Variants in CIRSR observed in about 807,000 individuals in gnomAD.
The protein encoded by CIRSR is corepressor of RBPJ and splicing regulator, also known as CBF1 (RBPJ) interacting corepressor 1.
At chr2:174,380,616 T>C in the CIRSR span, 7 of 1,571,776 alleles carry the variant, frequency 4.5e-6, no homozygotes, top group African/African-American at 8.1e-5. Flanking sequence ...AACTTAATGA[T>C]ACATATCTTG....
the CIRSR span, among the ~76,000 whole-genome samples, chr2:174,372,369 C>T: frequency 6.0e-4 from 91 of 152,252 alleles, no homozygotes; most frequent in African/African-American, 2.1e-3. Context: ...TCCTTCCAAT[C>T]CTTTTTCTAA....
At chr2:174,360,751 G>T in the CIRSR span, among the ~76,000 whole-genome samples, 6 of 152,058 alleles carry the variant, frequency 3.9e-5, no homozygotes. Flanking sequence ...TTAAAAATTT[G>T]TTCAAGTCAA....
At chr2:174,365,032 C>G in the CIRSR span, among the ~76,000 whole-genome samples, 1 of 152,124 alleles carries the variant, frequency 6.6e-6, no homozygotes, top group Non-Finnish European at 1.5e-5. Context: ...GCAAATTTTC[C>G]AAACTTTCAT....
the CIRSR span, among the ~76,000 whole-genome samples, chr2:174,370,562 T>G: frequency 1.3e-5 from 2 of 152,358 alleles, no homozygotes; most frequent in African/African-American, 4.8e-5. Flanking sequence ...GGTTAGAAAC[T>G]TTAATTATTA....
At chr2:174,391,851 A>C in the CIRSR span, among the ~76,000 whole-genome samples, 1 of 152,242 alleles carries the variant, frequency 6.6e-6, no homozygotes, top group East Asian at 1.9e-4. Context: ...TGGTGAGAGT[A>C]GCCAGTCAAA....
the CIRSR span, among the ~76,000 whole-genome samples, chr2:174,376,368 T>G: frequency 6.6e-6 from 1 of 152,218 alleles, no homozygotes; most frequent in South Asian, 2.1e-4. Flanking sequence ...TTTTTTCTAC[T>G]TCATTCACTT....
the CIRSR span, among the ~76,000 whole-genome samples, chr2:174,379,205 T>G: frequency 3.7e-4 from 57 of 152,224 alleles, no homozygotes; most frequent in Admixed American, 3.5e-3. Context: ...GACTAAAATC[T>G]TTCACTATAA....
At chr2:174,379,721 T>C in the CIRSR span, among the ~76,000 whole-genome samples, 3 of 109,792 alleles carry the variant, frequency 2.7e-5, no homozygotes, top group Non-Finnish European at 6.7e-5. Flanking sequence ...CCTGTCTTTT[T>C]TTTTTTTTTT....
the CIRSR span, among the ~76,000 whole-genome samples, chr2:174,375,082 G>A: frequency 1.3e-5 from 2 of 152,186 alleles, no homozygotes; most frequent in African/African-American, 4.8e-5. Flanking sequence ...CTCCATAAAT[G>A]ATGATTGAAT....
chr2:174,362,685 T>TAAAAAA, the CIRSR span, among the ~76,000 whole-genome samples: 1 of 83,994 alleles, frequency 1.2e-5, no homozygotes, highest in Non-Finnish European at 1.9e-5. Flanking sequence ...AGACTCTGCC[T>TAAAAAA]CAAAAAAAAA....
the CIRSR span, among the ~76,000 whole-genome samples, chr2:174,390,131 A>T: frequency 6.6e-6 from 1 of 152,280 alleles, no homozygotes; most frequent in East Asian, 1.9e-4. Flanking sequence ...TAGTAGATCC[A>T]CCAACTTGTA....
At chr2:174,373,493 T>C in the CIRSR span, among the ~76,000 whole-genome samples, 1 of 152,316 alleles carries the variant, frequency 6.6e-6, no homozygotes, top group Non-Finnish European at 1.5e-5. Flanking sequence ...AAAGCCTAAA[T>C]TTTAAGTTTC....
At chr2:174,371,621 T>C in the CIRSR span, among the ~76,000 whole-genome samples, 1 of 152,236 alleles carries the variant, frequency 6.6e-6, no homozygotes, top group Non-Finnish European at 1.5e-5. Context: ...AAGAAGCATT[T>C]TGATTGCCTA....
At chr2:174,378,523 TTTG>T in the CIRSR span, among the ~76,000 whole-genome samples, 36,063 of 152,052 alleles carry the variant, frequency 0.24, 5,745 homozygotes, top group East Asian at 0.7. Context: ...CATACTCAGC[TTTG>T]TTTTTACCTC....
chr2:174,356,531 A>AAGGAAGGAAGG, the CIRSR span, among the ~76,000 whole-genome samples: 5 of 133,568 alleles, frequency 3.7e-5, no homozygotes, highest in East Asian at 4.3e-4. Flanking sequence ...AAGAAAGAAG[A>AAGGAAGGAAGG]AAGGAAGGAA....
the CIRSR span, among the ~76,000 whole-genome samples, chr2:174,375,469 A>C: frequency 6.6e-6 from 1 of 152,086 alleles, no homozygotes; most frequent in Non-Finnish European, 1.5e-5. Flanking sequence ...TTAGCTGGGC[A>C]TGGTGGCTTA....
chr2:174,353,660 G>A, the CIRSR span, among the ~76,000 whole-genome samples: 2 of 152,132 alleles, frequency 1.3e-5, no homozygotes, highest in African/African-American at 4.8e-5. Flanking sequence ...TAGAAACGGG[G>A]TTTCACCATG....
At chr2:174,360,074 G>C in the CIRSR span, among the ~76,000 whole-genome samples, 177 of 152,330 alleles carry the variant, frequency 1.2e-3, 1 homozygote, top group African/African-American at 4.1e-3. Context: ...GTGGGGGAAT[G>C]GGGGAGGGAT....
the CIRSR span, among the ~76,000 whole-genome samples, chr2:174,373,764 TAA>T: frequency 3.9e-4 from 51 of 130,136 alleles, no homozygotes; most frequent in Admixed American, 7.7e-4. Context: ...TCCCTCACCT[TAA>T]AAAAAAAAAA....
Sources: gnomAD v4.1 joint callset for allele counts (sites outside exome capture counted in the v4.1 genomes callset) on GRCh38, gnomAD v4.1.1 for gene constraint, MANE v1.5 for transcripts, NCBI Gene and HGNC (gene_info 2026-07-23, HGNC 2026-07-21) for gene names.